BCAR3: variants seen among roughly 807,000 people sequenced by gnomAD.
The protein encoded by BCAR3 is BCAR3 adaptor protein, NSP family member, also known as breast cancer anti-estrogen resistance protein 3.
BCAR3 carries 37 observed loss-of-function variants against 80.1 expected under a neutral mutation model. That is an observed-to-expected ratio of 0.46 (90% CI 0.36 to 0.61). The LOEUF (loss-of-function observed/expected upper bound fraction) is 0.61, where lower values mean the gene tolerates loss of function less well. Ranked by LOEUF, BCAR3 falls within the 20% of genes least tolerant of loss-of-function variation. The probability of loss-of-function intolerance (pLI) is 0.00; values close to 1 mark genes in which losing one functional copy is unlikely to be tolerated. For missense variants in BCAR3, 978 were observed against 1,068.2 expected, an observed-to-expected ratio of 0.92 and a Z score of 1.18; for synonymous variants, 389 against 418.9, an observed-to-expected ratio of 0.93 and a Z score of 0.87.
intron 2 of BCAR3, among the ~76,000 whole-genome samples, chr1:93,784,224 A>G (rs1242850159): frequency 3.3e-5 from 5 of 152,000 alleles, no homozygotes; most frequent in Admixed American, 2.0e-4. Flanking sequence ...AAAGATTGAC[A>G]CCACTAAATT....
intron 3 of BCAR3, among the ~76,000 whole-genome samples, chr1:93,608,846 G>C (rs777231949): frequency 2.0e-5 from 3 of 152,240 alleles, no homozygotes; most frequent in Non-Finnish European, 4.4e-5. Context: ...ACTAGCAGCT[G>C]CCACGAGGAG....
rs188378229 is a variant in BCAR3, at chr1:93,820,840, C to T, written c.-63+24727G>A. Among the ~76,000 whole-genome samples, 326 of 152,080 alleles carry T rather than the reference C, an allele frequency of 2.1e-3. 1 individual carries two copies. Among genetic ancestry groups the T allele is most frequent in the African/African-American group, 6.9e-3 (284 of 41,450 alleles). On this transcript the variant is annotated intron_variant, in intron 2 of 13. Coordinates refer to the BCAR3 transcript ENST00000370244. Reference sequence around the variant, plus strand: ...CGTAAGCTTGATTCCTCTGGTAAGCCGACCTCATCCTGAAGCTGTCTAGCT... The same window carrying T: ...CGTAAGCTTGATTCCTCTGGTAAGCTGACCTCATCCTGAAGCTGTCTAGCT...
chr1:93,668,237 T>C (rs1648018788), intron 2 of BCAR3, among the ~76,000 whole-genome samples: 1 of 152,182 alleles, frequency 6.6e-6, no homozygotes, highest in South Asian at 2.1e-4. Context: ...TGGTTTGCAA[T>C]CTGTTAACAA....
chr1:93,596,687 G>A (rs1674431146), intron 3 of BCAR3, among the ~76,000 whole-genome samples: 1 of 152,218 alleles, frequency 6.6e-6, no homozygotes, highest in Non-Finnish European at 1.5e-5. Context: ...ACATTATCTA[G>A]TAATACAACT....
At chr1:93,677,133 G>A (rs985015037) in intron 1 of BCAR3, among the ~76,000 whole-genome samples, 26 of 152,318 alleles carry the variant, frequency 1.7e-4, no homozygotes, top group Admixed American at 1.7e-3. Context: ...CTCTAAGAGA[G>A]AATAATTCAT....
At chr1:93,675,610 CT>C (rs1400736672) in intron 1 of BCAR3, among the ~76,000 whole-genome samples, 1 of 152,118 alleles carries the variant, frequency 6.6e-6, no homozygotes, top group Non-Finnish European at 1.5e-5. Flanking sequence ...GGGTCAGGAT[CT>C]GCCTGCCACC....
intron 3 of BCAR3, among the ~76,000 whole-genome samples, chr1:93,693,175 A>AC (rs1649257422): frequency 6.6e-6 from 1 of 152,142 alleles, no homozygotes; most frequent in South Asian, 2.1e-4. Context: ...CAACTCAACA[A>AC]CCCTCCTGCA....
intron 2 of BCAR3, among the ~76,000 whole-genome samples, chr1:93,796,230 C>CA (rs2100780773): frequency 8.0e-6 from 1 of 124,262 alleles, no homozygotes; most frequent in Non-Finnish European, 1.6e-5. Context: ...CAAGCCTGGG[C>CA]AATGGCGGGC....
intron 2 of BCAR3, among the ~76,000 whole-genome samples, chr1:93,781,663 C>A (rs1007791673): frequency 1.9e-4 from 29 of 152,136 alleles, no homozygotes; most frequent in Non-Finnish European, 5.9e-5. Context: ...ATCTACAAAG[C>A]CCAAGTTCTC....
rs1368407356 is a variant in BCAR3, at chr1:93,750,744, A to T, written c.-62-44602T>A. 2.6e-5 allele frequency among the ~76,000 whole-genome samples: 4 copies of T among 152,196 alleles called. No homozygotes were observed. The East Asian group carries it at 7.7e-4, about 29-fold the overall frequency. ...GCCACGTGTAGGCCCTCTGGCTAGCAGTCCTAACCAACAAGGCCCTCCCAG... is the reference window on the plus strand; with the variant it reads ...GCCACGTGTAGGCCCTCTGGCTAGCTGTCCTAACCAACAAGGCCCTCCCAG... On this transcript the variant is annotated intron_variant, in intron 2 of 13. Transcript: ENST00000370244.
intron 2 of BCAR3, among the ~76,000 whole-genome samples, chr1:93,721,824 G>A (rs1381393268): frequency 1.3e-5 from 2 of 152,192 alleles, no homozygotes; most frequent in Non-Finnish European, 2.9e-5. Context: ...CCTCAGGTCC[G>A]AATTCTGTTT....
intron 2 of BCAR3, among the ~76,000 whole-genome samples, chr1:93,736,342 T>C (rs1456888516): frequency 2.0e-5 from 3 of 152,318 alleles, no homozygotes; most frequent in Non-Finnish European, 4.4e-5. Context: ...CGCGTGCCAC[T>C]GCACCCAGCT....
chr1:93,845,417 C>A (rs556663710), intron 2 of BCAR3: 6 of 146,452 alleles, frequency 4.1e-5, no homozygotes, highest in Non-Finnish European at 5.9e-5. Flanking sequence ...ATTCTCCCTG[C>A]ATGCAATGTG....
At position 93,785,915 on chromosome 1, in the gene BCAR3, C is replaced by T. The variant is rs113250088; in HGVS notation, c.-63+59652G>A. 9.1e-4 allele frequency among the ~76,000 whole-genome samples: 133 copies of T among 146,850 alleles called. 24 individuals carry two copies. Among genetic ancestry groups the T allele is most frequent in the African/African-American group, 2.6e-3 (98 of 37,502 alleles). On this transcript the variant is annotated intron_variant, in intron 2 of 13. Coordinates refer to the BCAR3 transcript ENST00000370244. Reference sequence around the variant, plus strand: ...GCTAGTAAGTCATAAAAGTGCCGGCCGGGCGCGGTGGCTCACGCCTGTAAT... The same window carrying T: ...GCTAGTAAGTCATAAAAGTGCCGGCTGGGCGCGGTGGCTCACGCCTGTAAT...
intron 9 of BCAR3, 74 bp from the exon 10 acceptor site, chr1:93,567,925 G>T: frequency 2.4e-6 from 3 of 1,232,912 alleles, no homozygotes; most frequent in South Asian, 1.2e-5. Context: ...GGTAGCTCAC[G>T]CCTGTAATGC....
intron 2 of BCAR3, among the ~76,000 whole-genome samples, chr1:93,774,715 G>A (rs79749036): frequency 7.3e-4 from 111 of 152,296 alleles, no homozygotes; most frequent in Non-Finnish European, 1.3e-3. Context: ...AGCAGTCAAT[G>A]AGGGAATACT....
At chr1:93,647,550 T>A (rs557349993) in intron 2 of BCAR3, among the ~76,000 whole-genome samples, 1 of 152,308 alleles carries the variant, frequency 6.6e-6, no homozygotes, top group Non-Finnish European at 1.5e-5. Context: ...ATAGAATATT[T>A]CCAACACTGC....
In BCAR3 at chr1:93,777,378, CTCT is replaced by C. The variant is rs548691867; in HGVS notation, c.-63+68186_-63+68188del. 4.8e-4 allele frequency among the ~76,000 whole-genome samples: 67 copies of C among 140,182 alleles called. 2 individuals carry two copies. Among genetic ancestry groups the C allele is most frequent in the South Asian group, 2.5e-3 (11 of 4,440 alleles). The allele number at this position is 140,182 out of a possible 152,430, so 92.0% of individuals were successfully genotyped here. On this transcript the variant is annotated intron_variant, in intron 2 of 13. Transcript: ENST00000370244. ...CTTCCTCCTCTTCTTCTTCTTCCTC[CTCT>C]TCTTCTTCCTCTTCTTCCTCTTCCT... is the stretch of plus-strand genomic sequence containing the variant.
At chr1:93,711,090 G>A (rs978083825) in intron 2 of BCAR3, among the ~76,000 whole-genome samples, 1 of 152,318 alleles carries the variant, frequency 6.6e-6, no homozygotes, top group East Asian at 1.9e-4. Flanking sequence ...TGATAAGAAA[G>A]AGAGAGAGAA....
Sources: allele counts gnomAD v4.1 joint callset (sites outside exome capture counted in the v4.1 genomes callset), GRCh38; gene constraint gnomAD v4.1.1; transcripts MANE v1.5; gene names NCBI Gene and HGNC (gene_info 2026-07-23, HGNC 2026-07-21).